The following PNLIP variants were observed in gnomAD, a reference collection of about 807,000 sequenced individuals.
The protein encoded by PNLIP is pancreatic lipase, also known as pancreatic triacylglycerol lipase.
A neutral mutation model predicts 57.1 loss-of-function variants in PNLIP; 49 were observed. The observed-to-expected ratio is 0.86, with a 90% CI of 0.68 to 1.09. PNLIP has a LOEUF of 1.09. Among genes scored for constraint, PNLIP ranks in the 50% least tolerant of loss-of-function variants. The pLI, the probability that PNLIP is intolerant of heterozygous loss-of-function variation, is 0.00. For synonymous variants in PNLIP, 209 were observed against 200.4 expected (o/e 1.04, Z -0.36); for missense variants, 503 against 570.2 (o/e 0.88, Z 1.20).
chr10:116,551,306 A>T, intron 5 of PNLIP, 74 bp downstream of exon 5: 1 of 810,114 alleles, frequency 1.2e-6, no homozygotes, highest in Non-Finnish European at 1.8e-6. Flanking sequence ...AAAAAAAAAA[A>T]GCCTGTAGAT....
intron 12 of PNLIP, among the ~76,000 whole-genome samples, chr10:116,564,277 A>G (rs960882119): frequency 1.3e-5 from 2 of 152,194 alleles, no homozygotes; most frequent in African/African-American, 4.8e-5. Flanking sequence ...TTATAAAGAC[A>G]AAATATTGAA....
chr10:116,564,438 A>G (rs1847344364), intron 12 of PNLIP, among the ~76,000 whole-genome samples: 1 of 152,194 alleles, frequency 6.6e-6, no homozygotes, highest in Non-Finnish European at 1.5e-5. Flanking sequence ...ACCCATAAAT[A>G]TCTTTCAAAG....
At position 116,547,461 on chromosome 10, in the gene PNLIP, A is replaced by G; in HGVS notation, c.201+13A>G. On this transcript the variant is annotated intron_variant, in intron 3 of 12. Coordinates refer to ENST00000369221, the MANE Select transcript of PNLIP (RefSeq NM_000936.4). ...AAACAACTTTCAAGTAAGAACTATC[A>G]CTGTGTTTAGAACTAAGTTCTTTGG... is the stretch of plus-strand genomic sequence containing the variant. 1 of 1,608,282 alleles carries G rather than the reference A, an allele frequency of 6.2e-7. No homozygotes were observed. Among genetic ancestry groups the G allele is most frequent in the Non-Finnish European group, 8.5e-7 (1 of 1,177,466 alleles).
At chr10:116,560,552 T>A in intron 11 of PNLIP, 28 bp downstream of exon 11, 2 of 312,960 alleles carry the variant, frequency 6.4e-6, no homozygotes, top group East Asian at 1.6e-4. Flanking sequence ...GCTCTATGCT[T>A]TTTTTTTTTT....
chr10:116,547,387 C>T lies in PNLIP; in HGVS notation c.140C>T (p.Ser47Phe), dbSNP rs1847138769. ...AGACCCCTCCATATATTGCCTTGGT[C>T]TCCAAAAGATGTCAACACCCGCTTC... The part of the protein sequence containing the change: ...TERPLHILPW[S>F]PKDVNTRFLL... Residue 47 changes from serine (S) to phenylalanine (F), a missense_variant, in exon 3 of 13, where the codon TCT (serine) becomes TTT (phenylalanine). By Grantham distance (155) the Ser-to-Phe change is radical (BLOSUM62 -2). Transcript: ENST00000369221. 1 of 1,614,032 alleles carries T rather than the reference C, an allele frequency of 6.2e-7. No homozygotes were observed. The highest frequency in any genetic ancestry group is 1.1e-5 in the South Asian group (1 of 91,066).
chr10:116,553,234 T>C (rs1337406617), intron 5 of PNLIP, among the ~76,000 whole-genome samples: 1 of 152,136 alleles, frequency 6.6e-6, no homozygotes, highest in Non-Finnish European at 1.5e-5. Context: ...GCCTCCCAAG[T>C]AGTCAGGATT....
intron 9 of PNLIP, among the ~76,000 whole-genome samples, chr10:116,557,424 G>T (rs1438265868): frequency 6.6e-6 from 1 of 152,174 alleles, no homozygotes; most frequent in African/African-American, 2.4e-5. Flanking sequence ...TGGTCGATGT[G>T]TGTTCAGCAG....
At position 116,549,103 on chromosome 10, in the gene PNLIP, A is replaced by T. The variant is rs1847160966; in HGVS notation, c.324+621A>T. Among the ~76,000 whole-genome samples, 6 of 152,346 alleles carry T rather than the reference A, an allele frequency of 3.9e-5. No individual in the cohort carries two copies. In the South Asian group the frequency reaches 1.2e-3, roughly 32 times the overall value. ...AACATTACTGTTGATTCATTTATTC[A>T]AGTATTTATTCATGTATTCATCAAA... On this transcript the variant is annotated intron_variant, in intron 4 of 12. Transcript: ENST00000369221.
chr10:116,552,493 T>G (rs1847204919), intron 5 of PNLIP, among the ~76,000 whole-genome samples: 1 of 152,152 alleles, frequency 6.6e-6, no homozygotes, highest in South Asian at 2.1e-4. Flanking sequence ...ATCATAAAAA[T>G]GGTTATAGAA....
chr10:116,551,301 A>T, intron 5 of PNLIP, 69 bp downstream of exon 5: 1 of 1,180,572 alleles, frequency 8.5e-7, no homozygotes, highest in African/African-American at 1.6e-5. Flanking sequence ...AAAAAAAAAA[A>T]AAAAAGCCTG....
chr10:116,556,492 A>G (rs1847255467), intron 9 of PNLIP, among the ~76,000 whole-genome samples: 2 of 152,234 alleles, frequency 1.3e-5, no homozygotes, highest in Non-Finnish European at 2.9e-5. Flanking sequence ...ATATATAATT[A>G]TAGACATGTG....
intron 12 of PNLIP, among the ~76,000 whole-genome samples, chr10:116,565,380 A>G (rs1251748323): frequency 6.6e-6 from 1 of 151,990 alleles, no homozygotes; most frequent in Non-Finnish European, 1.5e-5. Flanking sequence ...TGGTCTAAAT[A>G]CTACAATTAG....
At chr10:116,560,568 T>TG in intron 11 of PNLIP, 44 bp downstream of exon 11, 1 of 947,500 alleles carries the variant, frequency 1.1e-6, no homozygotes, top group Non-Finnish European at 1.6e-6. Flanking sequence ...TTTTTTTTTT[T>TG]TTGAGTCGGA....
chr10:116,561,675 T>C, intron 12 of PNLIP, 39 bp downstream of exon 12: 3 of 1,557,938 alleles, frequency 1.9e-6, no homozygotes, highest in Non-Finnish European at 2.6e-6. Context: ...AAATATCGAG[T>C]CTGTGTTTAT....
rs374312048 is a variant in PNLIP at position 116,556,055 on chromosome 10, T to C, written c.867T>C (p.Asp289=). 17 of 1,613,966 alleles carry C rather than the reference T, an allele frequency of 1.1e-5. No individual in the cohort carries two copies. The highest frequency in any genetic ancestry group is 1.4e-5 in the Non-Finnish European group (16 of 1,179,944). ...NHLRSYKYYT[D]SIVNPDGFAG... is the part of the protein sequence containing the mutation. Reference sequence around the variant, plus strand: ...TAAGAAGCTACAAATATTACACTGATAGCATCGTCAACCCTGATGGCTTTG... The same window carrying C: ...TAAGAAGCTACAAATATTACACTGACAGCATCGTCAACCCTGATGGCTTTG... Residue 289 remains aspartate, a synonymous_variant, in exon 9 of 13, where the codon GAT becomes GAC. Coordinates refer to ENST00000369221, the MANE Select transcript of PNLIP (RefSeq NM_000936.4).
chr10:116,548,619 C>A, intron 4 of PNLIP, 137 bp downstream of exon 4: 1 of 955,684 alleles, frequency 1.0e-6, no homozygotes, highest in South Asian at 1.8e-5. Context: ...GCCTGGAGTT[C>A]CTAGGGGAGG....
Position 116,545,951 on chromosome 10 carries a change from C to A in PNLIP, c.-8C>A. 1 of 658,760 alleles carries A rather than the reference C, an allele frequency of 1.5e-6. No individual in the cohort carries two copies. The highest frequency in any genetic ancestry group is 2.7e-6 in the Non-Finnish European group (1 of 370,704). 40.8% of individuals were successfully genotyped at this position (658,760 alleles called of 1,614,324 possible). ...TGGTTGCGTGTGGAACCTGACGGAA[C>A]TGCCACGGTGAGTCGGGAACATGTT... On this transcript the variant is annotated 5_prime_UTR_variant, in exon 1 of 13. It adds an upstream start codon to the 5' untranslated region. Transcript: ENST00000369221.
chr10:116,546,122 G>A lies in PNLIP; in HGVS notation c.30G>A (p.Leu10=), dbSNP rs151044055. The change falls in exon 2 of 13, where the codon CTG becomes CTA. Residue 10 remains leucine (L), a synonymous_variant. Transcript: ENST00000369221. ...TGCCACTTTGGACTCTTTCACTGCT[G>A]CTGGGAGCAGTAGCAGGTAAGAAAA... is the stretch of plus-strand genomic sequence containing the variant. MLPLWTLSL[L]LGAVAGKEVC... is the part of the protein sequence containing the mutation. 1.2e-5 allele frequency: 20 copies of A among 1,613,282 alleles called. No homozygotes were observed. In the African/African-American group the frequency reaches 2.4e-4, roughly 19 times the overall value.
chr10:116,556,736 T>C lies in PNLIP; in HGVS notation c.930+618T>C, dbSNP rs1367616571. On this transcript the variant is annotated intron_variant, in intron 9 of 12. Transcript: ENST00000369221. ...TGACATATCTATTGTCTGGGTTTTT[T>C]TTTTTATAAAATTGACTTTGCTTTG... 2.0e-5 allele frequency among the ~76,000 whole-genome samples: 3 copies of C among 152,110 alleles called. No homozygotes were observed. In the East Asian group the frequency reaches 5.8e-4, roughly 29 times the overall value.
Sources: gnomAD v4.1 joint callset for allele counts (sites outside exome capture counted in the v4.1 genomes callset) on GRCh38, gnomAD v4.1.1 for gene constraint, MANE v1.5 for transcripts, NCBI Gene and HGNC (gene_info 2026-07-23, HGNC 2026-07-21) for gene names.